The following PLPP4 variants were observed in gnomAD, a reference collection of about 807,000 sequenced individuals.
The protein encoded by PLPP4 is diacylglycerol pyrophosphate like 2.
Under a neutral mutation model 32.2 loss-of-function variants are expected in PLPP4, and 20 were observed. That is an observed-to-expected ratio of 0.62 (90% CI 0.44 to 0.90). PLPP4 has a LOEUF of 0.90. Among genes scored for constraint, PLPP4 ranks in the 40% least tolerant of loss-of-function variants. The probability of loss-of-function intolerance (pLI) is 0.00; values close to 1 mark genes in which losing one functional copy is unlikely to be tolerated. For missense variants in PLPP4, 257 were observed against 353.1 expected (o/e 0.73, Z 2.18); for synonymous variants, 127 against 133.0 (o/e 0.95, Z 0.31).
In PLPP4 at chr10:120,592,015, G is replaced by C. The variant is rs968350418; in HGVS notation, c.*2513G>C. On this transcript the variant is annotated 3_prime_UTR_variant, in exon 7 of 7. Coordinates refer to ENST00000398250, the MANE Select transcript of PLPP4 (RefSeq NM_001030059.3). ...TGTTTCAATTTCATGCTCTATTCAC[G>C]TGAAGTAAATATAACATCACAGTGT... is the stretch of plus-strand genomic sequence containing the variant. Among the ~76,000 whole-genome samples, 1 of 152,054 alleles carries C rather than the reference G, an allele frequency of 6.6e-6. No individual in the cohort carries two copies. The highest frequency in any genetic ancestry group is 2.4e-5 in the African/African-American group (1 of 41,394).
chr10:120,583,934 G>T (rs545551914), intron 6 of PLPP4, among the ~76,000 whole-genome samples: 2 of 152,316 alleles, frequency 1.3e-5, no homozygotes, highest in East Asian at 3.9e-4. Context: ...GCCAGAGAGA[G>T]AGCAGGTCCC....
intron 1 of PLPP4, among the ~76,000 whole-genome samples, chr10:120,503,005 C>T (rs944704076): frequency 1.3e-5 from 2 of 152,220 alleles, no homozygotes; most frequent in African/African-American, 2.4e-5. Context: ...TCCATTTCCT[C>T]CCCAATCTGC....
chr10:120,541,285 G>A (rs1473870086), intron 5 of PLPP4, among the ~76,000 whole-genome samples: 1 of 152,160 alleles, frequency 6.6e-6, no homozygotes, highest in Non-Finnish European at 1.5e-5. Flanking sequence ...TTTCTAGAAT[G>A]GGAGTTTCAG....
chr10:120,571,076 C>G (rs1421266456), intron 5 of PLPP4, among the ~76,000 whole-genome samples: 1 of 145,638 alleles, frequency 6.9e-6, no homozygotes, highest in Admixed American at 6.9e-5. Context: ...ACTTCCTTCC[C>G]ATCAGTAGTA....
intron 5 of PLPP4, among the ~76,000 whole-genome samples, chr10:120,554,062 A>C (rs533504299): frequency 6.6e-6 from 1 of 152,206 alleles, no homozygotes; most frequent in African/African-American, 2.4e-5. Flanking sequence ...CCAACTTTCT[A>C]AATTTTTATG....
At chr10:120,514,770 C>T (rs544232646) in intron 3 of PLPP4, among the ~76,000 whole-genome samples, 15 of 152,204 alleles carry the variant, frequency 9.9e-5, no homozygotes, top group South Asian at 2.1e-4. Flanking sequence ...GCTTTTTGAC[C>T]GTGAGAAAAA....
At chr10:120,557,462 CG>C (rs1167553397) in intron 5 of PLPP4, among the ~76,000 whole-genome samples, 2 of 152,118 alleles carry the variant, frequency 1.3e-5, no homozygotes, top group Non-Finnish European at 2.9e-5. Flanking sequence ...AACCTCCAAA[CG>C]CCTCTTGTAA....
At chr10:120,560,978 A>T (rs1362065471) in intron 5 of PLPP4, among the ~76,000 whole-genome samples, 5 of 152,158 alleles carry the variant, frequency 3.3e-5, no homozygotes, top group African/African-American at 1.2e-4. Context: ...ACATTATTCA[A>T]GGGTCAACTG....
At chr10:120,537,214 A>G (rs981567043) in intron 5 of PLPP4, among the ~76,000 whole-genome samples, 2 of 152,246 alleles carry the variant, frequency 1.3e-5, no homozygotes, top group African/African-American at 4.8e-5. Flanking sequence ...AAATGAAATC[A>G]GTATGTCAAA....
At chr10:120,483,237 C>G (rs1312497929) in intron 1 of PLPP4, among the ~76,000 whole-genome samples, 5 of 152,182 alleles carry the variant, frequency 3.3e-5, no homozygotes, top group Non-Finnish European at 7.3e-5. Context: ...GGCTTCCTTA[C>G]TTTTGAGGTT....
chr10:120,523,742 A>G lies in PLPP4; in HGVS notation c.445+2647A>G, dbSNP rs145160713. On this transcript the variant is annotated intron_variant, in intron 5 of 6. Transcript: ENST00000398250. ...TGCTGAATCTTAAGGGGCTTCAGAA[A>G]TTAAAAGCACCTAAGAAGTGAAATT... Among the ~76,000 whole-genome samples the G allele has an allele frequency of 4.6e-5, 7 of 152,306 alleles. No homozygotes were observed. The East Asian group carries it at 1.3e-3, about 29-fold the overall frequency.
At chr10:120,531,916 A>G (rs1481027589) in intron 5 of PLPP4, among the ~76,000 whole-genome samples, 1 of 151,922 alleles carries the variant, frequency 6.6e-6, no homozygotes, top group Non-Finnish European at 1.5e-5. Context: ...ATATACACAC[A>G]TACATATTTT....
At chr10:120,549,329 T>C (rs140206228) in intron 5 of PLPP4, among the ~76,000 whole-genome samples, 36 of 150,968 alleles carry the variant, frequency 2.4e-4, no homozygotes, top group African/African-American at 3.4e-4. Flanking sequence ...CTAACCAAAA[T>C]GGATACTAGA....
intron 1 of PLPP4, among the ~76,000 whole-genome samples, chr10:120,488,259 C>T (rs1226073710): frequency 6.6e-6 from 1 of 152,180 alleles, no homozygotes; most frequent in Non-Finnish European, 1.5e-5. Context: ...TTATTTGAAG[C>T]CTTAAAACAG....
chr10:120,533,648 C>G (rs531150463), intron 5 of PLPP4, among the ~76,000 whole-genome samples: 1 of 152,164 alleles, frequency 6.6e-6, no homozygotes, highest in African/African-American at 2.4e-5. Context: ...TATTTTCATG[C>G]TGTTATTACT....
intron 2 of PLPP4, among the ~76,000 whole-genome samples, chr10:120,505,637 T>C (rs916765709): frequency 6.6e-6 from 1 of 152,240 alleles, no homozygotes; most frequent in African/African-American, 2.4e-5. Flanking sequence ...CATTAAAGTA[T>C]TATTTTAATT....
chr10:120,550,400 T>G (rs896860108), intron 5 of PLPP4, among the ~76,000 whole-genome samples: 1 of 151,966 alleles, frequency 6.6e-6, no homozygotes, highest in Non-Finnish European at 1.5e-5. Context: ...AAATCCTATT[T>G]AGATTCTGTA....
At chr10:120,475,228 CCTT>C (rs1285732021) in intron 1 of PLPP4, among the ~76,000 whole-genome samples, 2 of 151,788 alleles carry the variant, frequency 1.3e-5, no homozygotes, top group African/African-American at 4.8e-5. Context: ...ATATCCATTC[CCTT>C]CTTTTTTTTT....
Position 120,590,088 on chromosome 10 carries a change from T to G in PLPP4, c.*586T>G, listed in dbSNP as rs1330470588. On this transcript the variant is annotated 3_prime_UTR_variant, in exon 7 of 7. Coordinates refer to ENST00000398250, the MANE Select transcript of PLPP4 (RefSeq NM_001030059.3). ...TCATTGAATCTGGAAGCAAATAAAATTAATAACTTCATGCACAGACTTCCA... is the reference window on the plus strand; with the variant it reads ...TCATTGAATCTGGAAGCAAATAAAAGTAATAACTTCATGCACAGACTTCCA... Among the ~76,000 whole-genome samples the G allele has an allele frequency of 6.6e-6, 1 of 152,152 alleles. No individual in the cohort carries two copies. Among genetic ancestry groups the G allele is most frequent in the African/African-American group, 2.4e-5 (1 of 41,416 alleles).
Sources: allele counts gnomAD v4.1 joint callset (sites outside exome capture counted in the v4.1 genomes callset), GRCh38; gene constraint gnomAD v4.1.1; transcripts MANE v1.5; gene names NCBI Gene and HGNC (gene_info 2026-07-23, HGNC 2026-07-21).